Variants in CFAP92 observed in about 807,000 individuals in gnomAD.
CFAP92 encodes uncharacterized protein CFAP92.
In CFAP92, 86 loss-of-function variants were observed where a neutral mutation model predicts 106.3. The ratio of observed to expected loss-of-function variants is 0.81; its 90% CI spans 0.68 to 0.97. The LOEUF (loss-of-function observed/expected upper bound fraction) is 0.97, where lower values mean the gene tolerates loss of function less well. CFAP92 is among the 50% of genes least tolerant of loss of function. The pLI, the probability that CFAP92 is intolerant of heterozygous loss-of-function variation, is 0.00. For missense variants in CFAP92, 1,204 were observed against 1,283.8 expected (o/e 0.94, Z 0.95); for synonymous variants, 477 against 506.4 (o/e 0.94, Z 0.78).
chr3:128,990,748 T>A (rs1029417779), intron 2 of CFAP92, among the ~76,000 whole-genome samples: 3 of 151,860 alleles, frequency 2.0e-5, no homozygotes, highest in African/African-American at 7.3e-5. Context: ...ATACAAAAAT[T>A]AGCTGGGCGT....
chr3:128,997,187 T>C (rs1372934702), upstream of CFAP92, among the ~76,000 whole-genome samples: 1 of 152,178 alleles, frequency 6.6e-6, no homozygotes, highest in Non-Finnish European at 1.5e-5. Flanking sequence ...GGTGGAGGGT[T>C]CCCAAGCTCC....
chr3:128,960,922 C>A (rs1217313381), intron 9 of CFAP92, among the ~76,000 whole-genome samples: 1 of 152,208 alleles, frequency 6.6e-6, no homozygotes, highest in Non-Finnish European at 1.5e-5. Context: ...GGGCAAGAAC[C>A]CCCAAACCCC....
At chr3:128,938,922 C>T (rs1047802632) in intron 10 of CFAP92, among the ~76,000 whole-genome samples, 1 of 152,164 alleles carries the variant, frequency 6.6e-6, no homozygotes, top group Non-Finnish European at 1.5e-5. Context: ...CCCAAGCAAT[C>T]TCCCAAAAAA....
the CFAP92 span, among the ~76,000 whole-genome samples, chr3:129,022,138 A>G: frequency 6.6e-6 from 1 of 152,226 alleles, no homozygotes; most frequent in Admixed American, 6.5e-5. Context: ...ATATCTATAT[A>G]GAACCTGTAT....
intron 2 of CFAP92, 86 bp from the exon 3 acceptor site, chr3:128,989,004 G>A: frequency 6.6e-6 from 7 of 1,052,656 alleles, no homozygotes; most frequent in Middle Eastern, 2.6e-4. Flanking sequence ...GCTTGATGTT[G>A]TGAGAGGCTG....
chr3:128,951,495 C>T (rs1469392272), intron 9 of CFAP92, among the ~76,000 whole-genome samples: 1 of 151,816 alleles, frequency 6.6e-6, no homozygotes, highest in Non-Finnish European at 1.5e-5. Flanking sequence ...TAAAACTCTG[C>T]AGGTTGTATA....
intron 12 of CFAP92, among the ~76,000 whole-genome samples, chr3:128,920,843 T>C (rs1326094821): frequency 1.3e-5 from 2 of 152,200 alleles, no homozygotes; most frequent in Non-Finnish European, 2.9e-5. Flanking sequence ...ACTTGTTGGC[T>C]CCTTGCTTCT....
intron 15 of CFAP92, chr3:128,912,597 G>A (rs1936461234): frequency 6.2e-7 from 1 of 1,614,072 alleles, no homozygotes; most frequent in Non-Finnish European, 8.5e-7. Flanking sequence ...CCTCTGGACA[G>A]GACATGCTGA....
intron 7 of CFAP92, among the ~76,000 whole-genome samples, chr3:128,975,577 T>C (rs569163345): frequency 6.6e-6 from 1 of 152,050 alleles, no homozygotes; most frequent in South Asian, 2.1e-4. Flanking sequence ...GATAGATGAA[T>C]GGATGGATGG....
intron 4 of CFAP92, among the ~76,000 whole-genome samples, chr3:128,987,067 A>G (rs1220496060): frequency 1.3e-5 from 2 of 152,196 alleles, no homozygotes; most frequent in Non-Finnish European, 2.9e-5. Flanking sequence ...AGGCTGAGGC[A>G]GGAGAATGGC....
intron 7 of CFAP92, among the ~76,000 whole-genome samples, chr3:128,972,702 A>G (rs1210066840): frequency 6.6e-6 from 1 of 151,898 alleles, no homozygotes; most frequent in Non-Finnish European, 1.5e-5. Flanking sequence ...CTAAAAATAA[A>G]AAATTAGCCA....
chr3:128,978,283 G>T, intron 4 of CFAP92, 98 bp from the exon 5 acceptor site: 1 of 1,243,846 alleles, frequency 8.0e-7, no homozygotes, highest in Non-Finnish European at 1.1e-6. Flanking sequence ...TGGGCGTTCG[G>T]TTTCAGACTA....
intron 12 of CFAP92, among the ~76,000 whole-genome samples, chr3:128,926,268 C>T (rs1440222162): frequency 6.6e-6 from 1 of 151,970 alleles, no homozygotes; most frequent in Admixed American, 6.6e-5. Context: ...GTAATCCCAG[C>T]ACTTTTGGAA....
rs373960157 is a variant in CFAP92, at chr3:128,993,221, C to T, written c.84G>A (p.Thr28=). Residue 28 remains threonine (T), a synonymous_variant, in exon 2 of 16, where the codon ACG becomes ACA. Transcript: ENST00000645291. ...ISSITSFYQS[T]SECDVEEHLK... is the part of the protein sequence containing the mutation. The stretch of plus-strand genomic sequence containing the variant: ...GGTGTTCCTCCACGTCACACTCGCT[C>T]GTGGACTGGTAAAAGCTAGTGATGG... 1,134 of 1,614,048 alleles carry T rather than the reference C, an allele frequency of 7.0e-4. No homozygotes were observed. The highest frequency in any genetic ancestry group is 9.1e-4 in the Non-Finnish European group (1,071 of 1,179,886).
upstream of CFAP92, among the ~76,000 whole-genome samples, chr3:129,003,563 G>A (rs564812360): frequency 2.4e-4 from 36 of 151,894 alleles, no homozygotes; most frequent in Middle Eastern, 3.4e-3. Context: ...AAACGTTGGG[G>A]GGTGGGGGAT....
At chr3:128,913,940 G>C (rs1302003424) in intron 15 of CFAP92, among the ~76,000 whole-genome samples, 2 of 152,122 alleles carry the variant, frequency 1.3e-5, no homozygotes, top group South Asian at 4.2e-4. Flanking sequence ...CCTTCTGGAA[G>C]GGGGCTTCAC....
At chr3:128,935,567 C>T (rs1226046923) in intron 10 of CFAP92, among the ~76,000 whole-genome samples, 1 of 152,070 alleles carries the variant, frequency 6.6e-6, no homozygotes, top group Non-Finnish European at 1.5e-5. Flanking sequence ...ACAAAATTAG[C>T]CGGGCGTGGT....
intron 10 of CFAP92, among the ~76,000 whole-genome samples, chr3:128,939,120 CT>C (rs974946204): frequency 6.6e-6 from 1 of 152,058 alleles, no homozygotes. Flanking sequence ...CCCTACTGAA[CT>C]TTTTTTGTCT....
chr3:128,946,109 TC>T, intron 9 of CFAP92, 134 bp from the exon 10 acceptor site: 1 of 576,504 alleles, frequency 1.7e-6, no homozygotes, highest in Non-Finnish European at 2.9e-6. Flanking sequence ...CCACAAAATA[TC>T]CATAAGAGAC....
Sources: allele counts gnomAD v4.1 joint callset (sites outside exome capture counted in the v4.1 genomes callset), GRCh38; gene constraint gnomAD v4.1.1; transcripts MANE v1.5; gene names NCBI Gene and HGNC (gene_info 2026-07-23, HGNC 2026-07-21).